The following UBE2E2 variants were observed in gnomAD, a reference collection of about 807,000 sequenced individuals.
UBE2E2 encodes ubiquitin conjugating enzyme E2 E2.
Under a neutral mutation model 24.7 loss-of-function variants are expected in UBE2E2, and 6 were observed. The ratio of observed to expected loss-of-function variants is 0.24; its 90% CI spans 0.13 to 0.48. The LOEUF is 0.48. Among genes scored for constraint, UBE2E2 ranks in the 20% least tolerant of loss-of-function variants. The pLI is 0.99. For missense variants in UBE2E2, 169 were observed against 245.0 expected (o/e 0.69, Z 2.07); for synonymous variants, 104 against 83.6 (o/e 1.24, Z -1.33).
At chr3:23,523,376 A>G (rs971393362) in intron 4 of UBE2E2, among the ~76,000 whole-genome samples, 3 of 152,238 alleles carry the variant, frequency 2.0e-5, no homozygotes, top group Non-Finnish European at 4.4e-5. Flanking sequence ...ACATAAAAGG[A>G]AACTGAGAAA....
intron 3 of UBE2E2, among the ~76,000 whole-genome samples, chr3:23,426,647 C>A (rs1697934863): frequency 1.3e-5 from 2 of 152,058 alleles, no homozygotes; most frequent in Non-Finnish European, 2.9e-5. Context: ...CAAAGTTATT[C>A]TTCAAAAGTG....
intron 3 of UBE2E2, among the ~76,000 whole-genome samples, chr3:23,330,389 C>A (rs1424957256): frequency 1.3e-5 from 2 of 152,168 alleles, no homozygotes; most frequent in Admixed American, 1.3e-4. Context: ...AATAAAGAAT[C>A]CTTACAAAAG....
chr3:23,409,451 A>G (rs536747461), intron 3 of UBE2E2, among the ~76,000 whole-genome samples: 2 of 152,304 alleles, frequency 1.3e-5, no homozygotes, highest in South Asian at 4.1e-4. Flanking sequence ...CTGCCTGATT[A>G]TCATGCTCTT....
At chr3:23,208,595 G>A (rs1696218034) in intron 1 of UBE2E2, 97 bp from the exon 2 acceptor site, 1 of 961,774 alleles carries the variant, frequency 1.0e-6, no homozygotes. Context: ...ATTTTATATT[G>A]AGATTTACTT....
At chr3:23,415,398 G>C (rs13067919) in intron 3 of UBE2E2, among the ~76,000 whole-genome samples, 42,227 of 152,028 alleles carry the variant, frequency 0.28, 6,161 homozygotes, top group African/African-American at 0.36. Context: ...CCATCAGTGG[G>C]TTGTAAAATC....
chr3:23,485,091 C>CTTTT (rs71620781), intron 3 of UBE2E2, among the ~76,000 whole-genome samples: 5 of 107,688 alleles, frequency 4.6e-5, no homozygotes, highest in Non-Finnish European at 7.0e-5. Flanking sequence ...TTAACACTAC[C>CTTTT]TTTTTTTTTT....
chr3:23,463,763 TTTGAGA>T (rs1698863054), intron 3 of UBE2E2, among the ~76,000 whole-genome samples: 2 of 152,148 alleles, frequency 1.3e-5, no homozygotes, highest in Non-Finnish European at 2.9e-5. Context: ...ATCAAATATG[TTTGAGA>T]TTGAGCCCAT....
At chr3:23,451,112 TTTA>T (rs1698553228) in intron 3 of UBE2E2, among the ~76,000 whole-genome samples, 1 of 152,222 alleles carries the variant, frequency 6.6e-6, no homozygotes, top group Non-Finnish European at 1.5e-5. Context: ...TTTTTAAATG[TTTA>T]TTAACTGGGC....
Position 23,590,004 on chromosome 3 carries a change from TTCCTCTCTC to T in UBE2E2, c.*174_*182del. 17 of 556,506 alleles carry T rather than the reference TTCCTCTCTC, an allele frequency of 3.1e-5. No homozygotes were observed. Among genetic ancestry groups the T allele is most frequent in the South Asian group, 1.4e-4 (5 of 34,830 alleles). The allele number at this position is 556,506 out of a possible 1,614,324, so 34.5% of individuals were successfully genotyped here. On this transcript the variant is annotated 3_prime_UTR_variant, in exon 6 of 6. Transcript: ENST00000396703. ...CCCATCCCAGTTCTTCCTGCCCCCC[TTCCTCTCTC>T]CCACGCTCTCTTTTATCTCTCATTT... is the stretch of plus-strand genomic sequence containing the variant.
intron 3 of UBE2E2, among the ~76,000 whole-genome samples, chr3:23,288,259 C>T (rs1385216057): frequency 3.3e-5 from 5 of 152,108 alleles, no homozygotes; most frequent in Non-Finnish European, 7.4e-5. Context: ...TAGTTTTATT[C>T]CATTCTGGCT....
chr3:23,521,766 G>A (rs1694873266), intron 4 of UBE2E2, among the ~76,000 whole-genome samples: 1 of 152,018 alleles, frequency 6.6e-6, no homozygotes, highest in Non-Finnish European at 1.5e-5. Context: ...TTTATATGTA[G>A]CTCAAGACGA....
chr3:23,356,663 C>G (rs1025548653), intron 3 of UBE2E2, among the ~76,000 whole-genome samples: 1 of 152,128 alleles, frequency 6.6e-6, no homozygotes, highest in African/African-American at 2.4e-5. Context: ...AAATTTTTGC[C>G]TGAGAGTATT....
chr3:23,243,316 G>T (rs1264243002), intron 3 of UBE2E2, among the ~76,000 whole-genome samples: 1 of 152,136 alleles, frequency 6.6e-6, no homozygotes, highest in Non-Finnish European at 1.5e-5. Flanking sequence ...GAGGTAGCAG[G>T]TCTCATGCTT....
intron 3 of UBE2E2, among the ~76,000 whole-genome samples, chr3:23,268,352 A>G (rs75115934): frequency 0.8 from 119,007 of 148,128 alleles, 47,845 homozygotes; most frequent in African/African-American, 0.88. Flanking sequence ...AGCAGCTTCA[A>G]CAAAGTCTCA....
At chr3:23,276,432 G>A (rs1458157356) in intron 3 of UBE2E2, among the ~76,000 whole-genome samples, 2 of 152,064 alleles carry the variant, frequency 1.3e-5, no homozygotes, top group African/African-American at 2.4e-5. Context: ...GTTAATTTAC[G>A]TTAGCATAGA....
At chr3:23,584,175 C>T (rs1032814615) in intron 5 of UBE2E2, among the ~76,000 whole-genome samples, 5 of 152,042 alleles carry the variant, frequency 3.3e-5, no homozygotes, top group Non-Finnish European at 5.9e-5. Flanking sequence ...GAGATGATCA[C>T]GTGGTTTTTT....
rs1272264818 is a variant in UBE2E2, at chr3:23,574,846, C to G, written c.509-14888C>G. Among the ~76,000 whole-genome samples the G allele has an allele frequency of 2.0e-5, 3 of 152,318 alleles. No homozygotes were observed. The East Asian group carries it at 5.8e-4, about 29-fold the overall frequency. On this transcript the variant is annotated intron_variant, in intron 5 of 5. Coordinates refer to ENST00000396703, the MANE Select transcript of UBE2E2 (RefSeq NM_152653.4). ...CTTCACACAGTCACCAGATGTGCTA[C>G]ACTTTATGCCAGCAGCTGTTGCTTG...
At chr3:23,207,049 T>G (rs976165033) in intron 1 of UBE2E2, among the ~76,000 whole-genome samples, 2 of 152,158 alleles carry the variant, frequency 1.3e-5, no homozygotes, top group South Asian at 2.1e-4. Flanking sequence ...TTTAAAAAGG[T>G]GTCTGAGAAG....
At chr3:23,235,613 T>A (rs1697083407) in intron 3 of UBE2E2, among the ~76,000 whole-genome samples, 1 of 152,084 alleles carries the variant, frequency 6.6e-6, no homozygotes. Flanking sequence ...GAGGATGGTG[T>A]TATAGATTAT....
Sources: allele counts gnomAD v4.1 joint callset (sites outside exome capture counted in the v4.1 genomes callset), GRCh38; gene constraint gnomAD v4.1.1; transcripts MANE v1.5; gene names NCBI Gene and HGNC (gene_info 2026-07-23, HGNC 2026-07-21).